Variants in CD2AP observed in about 807,000 individuals in gnomAD.
The protein encoded by CD2AP is CD2-associated protein.
In CD2AP, 46 loss-of-function variants were observed where a neutral mutation model predicts 85.1. That is an observed-to-expected ratio of 0.54 (90% CI 0.43 to 0.69). The LOEUF (loss-of-function observed/expected upper bound fraction) is 0.69, where lower values mean the gene tolerates loss of function less well. CD2AP is among the 30% of genes least tolerant of loss of function. CD2AP has a pLI of 0.00. For missense variants in CD2AP, 769 were observed against 729.5 expected, an observed-to-expected ratio of 1.05 and a Z score of -0.62; for synonymous variants, 255 against 252.9, an observed-to-expected ratio of 1.01 and a Z score of -0.08.
chr6:47,593,565 A>G (rs1457859251), intron 11 of CD2AP, among the ~76,000 whole-genome samples: 1 of 152,134 alleles, frequency 6.6e-6, no homozygotes, highest in Admixed American at 6.6e-5. Flanking sequence ...TAATATCATT[A>G]GTCTTTAGGG....
chr6:47,492,426 C>T (rs2034103768), intron 1 of CD2AP, among the ~76,000 whole-genome samples: 1 of 137,658 alleles, frequency 7.3e-6, no homozygotes, highest in African/African-American at 2.7e-5. Flanking sequence ...GATTGTAGCT[C>T]ACTGCAACCT....
chr6:47,621,020 T>C (rs1582634110), intron 17 of CD2AP, among the ~76,000 whole-genome samples: 1 of 152,198 alleles, frequency 6.6e-6, no homozygotes, highest in African/African-American at 2.4e-5. Flanking sequence ...CTTTATTGAT[T>C]TGGATGCCCT....
At chr6:47,555,544 T>A (rs1282689211) in intron 5 of CD2AP, among the ~76,000 whole-genome samples, 1 of 152,156 alleles carries the variant, frequency 6.6e-6, no homozygotes, top group Admixed American at 6.5e-5. Flanking sequence ...GTTGCCAGTA[T>A]CATTGGTTTT....
chr6:47,587,023 A>G (rs1226697941), intron 11 of CD2AP, among the ~76,000 whole-genome samples: 1 of 152,202 alleles, frequency 6.6e-6, no homozygotes, highest in Non-Finnish European at 1.5e-5. Context: ...GTGTTTTGCC[A>G]GTGACCTTTG....
At chr6:47,505,474 C>A in intron 2 of CD2AP, among the ~76,000 whole-genome samples, 1 of 150,902 alleles carries the variant, frequency 6.6e-6, no homozygotes, top group Non-Finnish European at 1.5e-5. Context: ...ATCTCTTCCC[C>A]GCCTTTCCCG....
At chr6:47,502,958 G>A (rs1169464683) in intron 1 of CD2AP, among the ~76,000 whole-genome samples, 2 of 152,210 alleles carry the variant, frequency 1.3e-5, no homozygotes, top group Non-Finnish European at 2.9e-5. Context: ...ATACGAGGAA[G>A]TGGGGATCAT....
chr6:47,529,052 G>T (rs1484394639), intron 2 of CD2AP, among the ~76,000 whole-genome samples: 1 of 151,886 alleles, frequency 6.6e-6, no homozygotes, highest in Non-Finnish European at 1.5e-5. Flanking sequence ...TTTCTTCTTA[G>T]GTTGTATCTA....
chr6:47,612,646 T>C (rs1012816952), intron 17 of CD2AP, 110 bp downstream of exon 17: 26 of 742,630 alleles, frequency 3.5e-5, no homozygotes, highest in African/African-American at 2.8e-4. Context: ...ACTACTTCAG[T>C]TGGACATACA....
In CD2AP at chr6:47,606,163, A is replaced by G; in HGVS notation, c.1418-2A>G. ...TAAATAATGTTTATTTTTATTTTCT[A>G]GATGTTGTAAATTTTGATGACATAG... On this transcript the variant is annotated splice_acceptor_variant, in intron 13 of 17. Transcript: ENST00000359314. LOFTEE classifies it high-confidence loss of function. The G allele has an allele frequency of 6.9e-7, 1 of 1,442,900 alleles. No individual in the cohort carries two copies. The highest frequency in any genetic ancestry group is 9.8e-7 in the Non-Finnish European group (1 of 1,024,328). 89.4% of individuals were successfully genotyped at this position (1,442,900 alleles called of 1,614,324 possible). A position where few individuals can be genotyped will look rare whatever the true frequency, so the allele number is the denominator to read the frequency against.
chr6:47,551,834 C>T (rs1767534598), intron 4 of CD2AP, among the ~76,000 whole-genome samples: 1 of 152,126 alleles, frequency 6.6e-6, no homozygotes, highest in African/African-American at 2.4e-5. Flanking sequence ...AATTGGAGAG[C>T]CATTATGTTA....
At chr6:47,489,941 T>A (rs1047934910) in intron 1 of CD2AP, among the ~76,000 whole-genome samples, 3 of 151,630 alleles carry the variant, frequency 2.0e-5, no homozygotes, top group African/African-American at 7.3e-5. Flanking sequence ...TGGTATTCGT[T>A]TGAGTAACTA....
intron 4 of CD2AP, among the ~76,000 whole-genome samples, chr6:47,548,047 C>G (rs1006599328): frequency 6.6e-6 from 1 of 152,008 alleles, no homozygotes. Context: ...AGTTAATAAC[C>G]TAACTTTTAA....
intron 5 of CD2AP, among the ~76,000 whole-genome samples, chr6:47,556,793 G>GTT (rs1288685693): frequency 1.3e-5 from 2 of 152,168 alleles, no homozygotes; most frequent in Admixed American, 6.5e-5. Context: ...ATATGTGTGT[G>GTT]TGTGTCTTTA....
intron 3 of CD2AP, among the ~76,000 whole-genome samples, chr6:47,543,891 T>C (rs9473130): frequency 0.6 from 91,946 of 152,052 alleles, 28,615 homozygotes; most frequent in Middle Eastern, 0.74. Flanking sequence ...TGCTGCTGGT[T>C]TAAGAAACAC....
intron 5 of CD2AP, among the ~76,000 whole-genome samples, chr6:47,565,710 C>T (rs1767974194): frequency 6.6e-6 from 1 of 152,170 alleles, no homozygotes. Flanking sequence ...GATTCATTAA[C>T]AGATTTTGTC....
chr6:47,505,695 C>A (rs1470898015), intron 2 of CD2AP, among the ~76,000 whole-genome samples: 5 of 71,340 alleles, frequency 7.0e-5, no homozygotes, highest in Non-Finnish European at 1.0e-4. Context: ...ATCTCCCTCC[C>A]GGACGGGGTG....
Position 47,533,593 on chromosome 6 carries a change from C to G in CD2AP, c.166-9C>G. On this transcript the variant is annotated splice_polypyrimidine_tract_variant and intron_variant, in intron 2 of 17. Transcript: ENST00000359314. ...TAACTTGCCTCTTTATTTATTTTCC[C>G]TTTTGTAGGAAATTAAAAGAGAGAC... is the stretch of plus-strand genomic sequence containing the variant. The G allele has an allele frequency of 1.2e-6, 2 of 1,612,624 alleles. No individual in the cohort carries two copies. Among genetic ancestry groups the G allele is most frequent in the Non-Finnish European group, 1.7e-6 (2 of 1,179,346 alleles).
chr6:47,588,338 T>C (rs7753055), intron 11 of CD2AP, among the ~76,000 whole-genome samples: 50,926 of 152,082 alleles, frequency 0.33, 9,357 homozygotes, highest in Middle Eastern at 0.52. Flanking sequence ...TAGATACCTG[T>C]ACCTTACTTG....
At chr6:47,537,743 G>A (rs1323523755) in intron 3 of CD2AP, among the ~76,000 whole-genome samples, 1 of 151,860 alleles carries the variant, frequency 6.6e-6, no homozygotes, top group Admixed American at 6.6e-5. Context: ...AACAGTTTGA[G>A]CCTTTCACTT....
Sources: gnomAD v4.1 joint callset for allele counts (sites outside exome capture counted in the v4.1 genomes callset) on GRCh38, gnomAD v4.1.1 for gene constraint, MANE v1.5 for transcripts, NCBI Gene and HGNC (gene_info 2026-07-23, HGNC 2026-07-21) for gene names.